Variants in PLD5 observed in about 807,000 individuals in gnomAD.
PLD5 encodes the protein inactive phospholipase D5.
PLD5 carries 36 observed loss-of-function variants against 61.1 expected under a neutral mutation model. The observed-to-expected ratio is 0.59, with a 90% CI of 0.45 to 0.78. PLD5 has a LOEUF of 0.78. Ranked by LOEUF, PLD5 falls within the 30% of genes least tolerant of loss-of-function variation. The pLI is 0.00. For missense variants in PLD5, 515 were observed against 644.4 expected (o/e 0.80, Z 2.17); for synonymous variants, 243 against 242.8 (o/e 1.00, Z -0.01).
At chr1:242,398,739 A>T (rs1465930475) in intron 1 of PLD5, among the ~76,000 whole-genome samples, 1 of 152,262 alleles carries the variant, frequency 6.6e-6, no homozygotes. Context: ...AATTGCCGTC[A>T]GAAGAAAATA....
chr1:242,424,303 T>C (rs764463092), intron 1 of PLD5, among the ~76,000 whole-genome samples: 41 of 152,122 alleles, frequency 2.7e-4, no homozygotes, highest in Non-Finnish European at 3.7e-4. Context: ...TTGCCTGAGG[T>C]CCCATAACAC....
At chr1:242,364,889 C>T (rs1439430072) in intron 1 of PLD5, among the ~76,000 whole-genome samples, 1 of 151,086 alleles carries the variant, frequency 6.6e-6, no homozygotes, top group African/African-American at 2.4e-5. Context: ...AAAACAAAAC[C>T]ATGCCCACAA....
intron 5 of PLD5, among the ~76,000 whole-genome samples, chr1:242,194,665 T>TCTATCTATCTATCTAC (rs1553321151): frequency 1.3e-5 from 2 of 148,384 alleles, no homozygotes; most frequent in East Asian, 2.0e-4. Flanking sequence ...TATCTATCTA[T>TCTATCTATCTATCTAC]CTACCTATCT....
At chr1:242,241,869 CTA>C (rs752113161) in intron 4 of PLD5, among the ~76,000 whole-genome samples, 3,065 of 69,374 alleles carry the variant, frequency 0.044, 53 homozygotes, top group Admixed American at 0.063. Flanking sequence ...GCTTTACTTA[CTA>C]TATATATATA....
intron 2 of PLD5, among the ~76,000 whole-genome samples, chr1:242,330,351 A>T (rs1345024709): frequency 3.3e-5 from 5 of 152,052 alleles, no homozygotes; most frequent in African/African-American, 9.7e-5. Flanking sequence ...CTTCCCTTCC[A>T]TTCTGTGACA....
In PLD5 at chr1:242,088,144, CTGAG is replaced by C. The variant is rs1336139873; in HGVS notation, c.*1706_*1709del. On this transcript the variant is annotated 3_prime_UTR_variant, in exon 10 of 10. Coordinates refer to ENST00000536534, the MANE Select transcript of PLD5 (RefSeq NM_001372062.1). ...AGTCTCCAGAAATGAAAAAGAATAA[CTGAG>C]TGTTTCCTTGCTCTGAAAATACATG... 6.6e-6 allele frequency: 1 copy of C among 152,204 alleles called. No homozygotes were observed. Among genetic ancestry groups the C allele is most frequent in the Non-Finnish European group, 1.5e-5 (1 of 68,040 alleles). The allele number at this position is 152,204 out of a possible 1,614,324, so 9.4% of individuals were successfully genotyped here. A position where few individuals can be genotyped will look rare whatever the true frequency, so the allele number is the denominator to read the frequency against.
chr1:242,409,577 T>C (rs768487731), intron 1 of PLD5, among the ~76,000 whole-genome samples: 37 of 152,132 alleles, frequency 2.4e-4, no homozygotes, highest in African/African-American at 7.5e-4. Context: ...GAGAGTTTAA[T>C]AGGCAAGAAA....
intron 1 of PLD5, among the ~76,000 whole-genome samples, chr1:242,463,343 C>T (rs1667177477): frequency 6.6e-6 from 1 of 152,214 alleles, no homozygotes; most frequent in African/African-American, 2.4e-5. Context: ...TTCAATGCCT[C>T]CAACTCTGTA....
At chr1:242,149,336 A>G (rs900906979) in intron 5 of PLD5, among the ~76,000 whole-genome samples, 2 of 151,802 alleles carry the variant, frequency 1.3e-5, no homozygotes, top group Non-Finnish European at 2.9e-5. Flanking sequence ...CATTCCTGAG[A>G]TAAACTCTAC....
intron 1 of PLD5, among the ~76,000 whole-genome samples, chr1:242,389,456 T>C (rs1410965729): frequency 6.6e-6 from 1 of 152,084 alleles, no homozygotes; most frequent in Non-Finnish European, 1.5e-5. Context: ...TCTGTTTAGA[T>C]AATATTTATT....
intron 1 of PLD5, among the ~76,000 whole-genome samples, chr1:242,446,444 G>A (rs917676103): frequency 1.3e-5 from 2 of 151,996 alleles, no homozygotes; most frequent in Admixed American, 6.6e-5. Context: ...GGTGGTGCAT[G>A]CCTGCAGTCC....
At chr1:242,223,571 T>C (rs892348007) in intron 4 of PLD5, among the ~76,000 whole-genome samples, 4 of 152,226 alleles carry the variant, frequency 2.6e-5, no homozygotes, top group Admixed American at 1.3e-4. Context: ...ATTTATTGAA[T>C]ACCTGTGTGC....
chr1:242,185,367 C>G (rs6673845), intron 5 of PLD5, among the ~76,000 whole-genome samples: 3,794 of 152,214 alleles, frequency 0.025, 177 homozygotes, highest in African/African-American at 0.087. Flanking sequence ...AGACTGGAAA[C>G]TCCTAGAATG....
In PLD5 at chr1:242,524,303, G is replaced by A. The variant is rs1371782866; in HGVS notation, c.-27C>T. ...CTGACATGACCGGGCGGCCGCCGGC[G>A]AGCAGCGGACTCGGGACGGGCGCGC... On this transcript the variant is annotated 5_prime_UTR_variant, in exon 1 of 10. Transcript: ENST00000536534. 4 of 1,382,602 alleles carry A rather than the reference G, an allele frequency of 2.9e-6. No individual in the cohort carries two copies. The highest frequency in any genetic ancestry group is 3.7e-6 in the Non-Finnish European group (4 of 1,076,244). The allele number at this position is 1,382,602 out of a possible 1,614,324, so 85.6% of individuals were successfully genotyped here.
intron 5 of PLD5, among the ~76,000 whole-genome samples, chr1:242,174,697 C>T (rs973876474): frequency 1.1e-4 from 16 of 152,156 alleles, no homozygotes; most frequent in Non-Finnish European, 2.2e-4. Context: ...GGCACATATA[C>T]ACCATGGAAT....
At chr1:242,127,165 G>A (rs12139021) in intron 5 of PLD5, among the ~76,000 whole-genome samples, 22,922 of 152,156 alleles carry the variant, frequency 0.15, 2,007 homozygotes, top group Non-Finnish European at 0.19. Context: ...AGATGTTGGC[G>A]TGGATGTGAT....
chr1:242,155,069 C>T (rs1365181303), intron 5 of PLD5, among the ~76,000 whole-genome samples: 1 of 152,122 alleles, frequency 6.6e-6, no homozygotes, highest in African/African-American at 2.4e-5. Context: ...CTAGTTTAGA[C>T]TTGGGAGGGT....
At chr1:242,183,169 C>T (rs1305411063) in intron 5 of PLD5, among the ~76,000 whole-genome samples, 1 of 152,156 alleles carries the variant, frequency 6.6e-6, no homozygotes, top group Non-Finnish European at 1.5e-5. Flanking sequence ...TTCAGACCCA[C>T]CAGTTCTAGA....
chr1:242,506,809 C>T (rs971462093), intron 1 of PLD5, among the ~76,000 whole-genome samples: 1 of 152,162 alleles, frequency 6.6e-6, no homozygotes, highest in Non-Finnish European at 1.5e-5. Flanking sequence ...AGTAAAGTGG[C>T]GTAGTGCACT....
Sources: allele counts gnomAD v4.1 joint callset (sites outside exome capture counted in the v4.1 genomes callset), GRCh38; gene constraint gnomAD v4.1.1; transcripts MANE v1.5; gene names NCBI Gene and HGNC (gene_info 2026-07-23, HGNC 2026-07-21).